The following CLDN18 variants were observed in gnomAD, a reference collection of about 807,000 sequenced individuals.
CLDN18 encodes the protein claudin 18, also known as claudin-18.
CLDN18 carries 20 observed loss-of-function variants against 25.0 expected under a neutral mutation model. The ratio of observed to expected loss-of-function variants is 0.80; its 90% CI spans 0.56 to 1.16. CLDN18 has a LOEUF of 1.16. Among genes scored for constraint, CLDN18 ranks in the 50% most tolerant of loss-of-function variants. CLDN18 has a pLI of 0.00. For synonymous variants in CLDN18, 125 were observed against 135.6 expected, an observed-to-expected ratio of 0.92 and a Z score of 0.54; for missense variants, 297 against 345.4, an observed-to-expected ratio of 0.86 and a Z score of 1.11.
chr3:138,029,154 T>C (rs1311289893), intron 3 of CLDN18, among the ~76,000 whole-genome samples: 1 of 152,226 alleles, frequency 6.6e-6, no homozygotes, highest in Non-Finnish European at 1.5e-5. Flanking sequence ...TAACTTGAGA[T>C]TGATTTTTTT....
At chr3:138,005,689 A>G (rs999121883), upstream of CLDN18, among the ~76,000 whole-genome samples, 1 of 152,232 alleles carries the variant, frequency 6.6e-6, no homozygotes, top group South Asian at 2.1e-4. Flanking sequence ...GTAAAGAGAT[A>G]AGAACTTTCA....
intron 2 of CLDN18, 69 bp downstream of exon 2, chr3:138,023,891 T>C (rs1942296882): frequency 1.3e-6 from 2 of 1,483,182 alleles, no homozygotes; most frequent in Non-Finnish European, 1.9e-6. Flanking sequence ...AGAGAAAACA[T>C]GACTCCTCCC....
chr3:138,004,668 TTTAG>T (rs1942049746), intron 1 of CLDN18: 1 of 151,954 alleles, frequency 6.6e-6, no homozygotes, highest in South Asian at 2.1e-4. Context: ...AGGAAGTTTA[TTTAG>T]TTAATGTTGC....
intron 1 of CLDN18, among the ~76,000 whole-genome samples, chr3:138,020,502 T>C (rs1385559552): frequency 1.3e-5 from 2 of 152,206 alleles, no homozygotes; most frequent in African/African-American, 4.8e-5. Flanking sequence ...TATCTAACTC[T>C]CCTTTTTCAA....
chr3:138,016,233 G>C (rs1942201554), intron 1 of CLDN18, among the ~76,000 whole-genome samples: 1 of 152,190 alleles, frequency 6.6e-6, no homozygotes, highest in Admixed American at 6.5e-5. Flanking sequence ...GGCAGAAACA[G>C]GAAGTGAACA....
rs1366451740 is a variant in CLDN18 at position 138,031,819 on chromosome 3, CTCTT to C, written c.*682_*685del. 1 of 152,152 alleles carries C rather than the reference CTCTT, an allele frequency of 6.6e-6. No individual in the cohort carries two copies. Among genetic ancestry groups the C allele is most frequent in the African/African-American group, 2.4e-5 (1 of 41,436 alleles). 9.4% of individuals were successfully genotyped at this position (152,152 alleles called of 1,614,324 possible). A position where few individuals can be genotyped will look rare whatever the true frequency, so the allele number is the denominator to read the frequency against. ...GTTTCCTGAGCTCTCCACTGGAGTC[CTCTT>C]TCTGTCGCGGGTCAGAAATTGTCCC... is the stretch of plus-strand genomic sequence containing the variant. On this transcript the variant is annotated 3_prime_UTR_variant, in exon 5 of 5. Coordinates refer to ENST00000183605, the MANE Select transcript of CLDN18 (RefSeq NM_016369.4).
At chr3:138,025,135 A>G (rs1203737161) in intron 3 of CLDN18, among the ~76,000 whole-genome samples, 1 of 152,238 alleles carries the variant, frequency 6.6e-6, no homozygotes, top group Non-Finnish European at 1.5e-5. Context: ...AGTATGGGTG[A>G]GAAAAGTGAT....
chr3:138,020,426 G>A (rs1158404055), intron 1 of CLDN18, among the ~76,000 whole-genome samples: 1 of 152,240 alleles, frequency 6.6e-6, no homozygotes, highest in Non-Finnish European at 1.5e-5. Flanking sequence ...ACAGATATCT[G>A]GTGAGAAGGC....
At chr3:137,999,230 A>G (rs940831516) in intron 1 of CLDN18, 5 of 705,800 alleles carry the variant, frequency 7.1e-6, no homozygotes, top group Non-Finnish European at 1.2e-5. Flanking sequence ...AGCCACCTGC[A>G]CCAGGGTGGA....
chr3:137,998,993 C>G, exon 1 of CLDN18: 1 of 1,614,230 alleles, frequency 6.2e-7, no homozygotes, highest in South Asian at 1.1e-5. Context: ...CCCGTAACAG[C>G]TGTTTTCAAC....
intron 1 of CLDN18, among the ~76,000 whole-genome samples, chr3:138,004,063 A>T (rs1190575239): frequency 6.6e-6 from 1 of 152,016 alleles, no homozygotes. Flanking sequence ...AGTCCCAGCT[A>T]CTCAGGAGGC....
At chr3:138,015,685 T>C (rs1942194332) in intron 1 of CLDN18, among the ~76,000 whole-genome samples, 1 of 152,212 alleles carries the variant, frequency 6.6e-6, no homozygotes, top group Non-Finnish European at 1.5e-5. Flanking sequence ...ACGGTGATCA[T>C]GCCACTGCAC....
chr3:138,032,026 C>T lies in CLDN18; in HGVS notation c.*885C>T, dbSNP rs1942402787. 2 of 152,120 alleles carry T rather than the reference C, an allele frequency of 1.3e-5. No homozygotes were observed. The highest frequency in any genetic ancestry group is 2.9e-5 in the Non-Finnish European group (2 of 68,020). The allele number at this position is 152,120 out of a possible 1,614,324, so 9.4% of individuals were successfully genotyped here. ...CTATATGGTACTTTGTAAAGTCATG[C>T]TTAAGTACAAATTCCATGAAAAGCT... On this transcript the variant is annotated 3_prime_UTR_variant, in exon 5 of 5. Coordinates refer to ENST00000183605, the MANE Select transcript of CLDN18 (RefSeq NM_016369.4).
chr3:138,024,795 C>T (rs1942306527), intron 3 of CLDN18, 71 bp downstream of exon 3: 11 of 882,602 alleles, frequency 1.2e-5, no homozygotes, highest in East Asian at 1.2e-4. Flanking sequence ...TAAACACATG[C>T]ACCTAATGTG....
intron 1 of CLDN18, among the ~76,000 whole-genome samples, chr3:138,016,774 C>T (rs1185809315): frequency 6.6e-6 from 1 of 152,114 alleles, no homozygotes; most frequent in Non-Finnish European, 1.5e-5. Context: ...AAGTGCTGGG[C>T]CGGGCTTGGT....
At chr3:138,030,068 A>C (rs1942370372) in intron 4 of CLDN18, among the ~76,000 whole-genome samples, 161 bp downstream of exon 4, 1 of 152,274 alleles carries the variant, frequency 6.6e-6, no homozygotes, top group Admixed American at 6.5e-5. Context: ...CCTAAAGAAC[A>C]GAATGGGAAT....
chr3:138,010,543 C>T, intron 1 of CLDN18, 98 bp downstream of exon 1: 2 of 1,437,188 alleles, frequency 1.4e-6, no homozygotes, highest in Admixed American at 1.9e-5. Flanking sequence ...GGTGAGGACC[C>T]TGGCAGCTCT....
At chr3:138,005,218 TC>T (rs1362034967), upstream of CLDN18, 1 of 152,192 alleles carries the variant, frequency 6.6e-6, no homozygotes, top group Non-Finnish European at 1.5e-5. Flanking sequence ...TTGTTTTTTT[TC>T]TTTTCTATTT....
intron 1 of CLDN18, among the ~76,000 whole-genome samples, chr3:138,012,550 C>G (rs956381846): frequency 2.0e-5 from 3 of 151,502 alleles, no homozygotes; most frequent in Non-Finnish European, 4.4e-5. Flanking sequence ...CCCCTGAATT[C>G]CCCCCTCCAC....
Sources: gnomAD v4.1 joint callset for allele counts (sites outside exome capture counted in the v4.1 genomes callset) on GRCh38, gnomAD v4.1.1 for gene constraint, MANE v1.5 for transcripts, NCBI Gene and HGNC (gene_info 2026-07-23, HGNC 2026-07-21) for gene names.